MED17: variants seen among roughly 807,000 people sequenced by gnomAD.
The protein encoded by MED17 is mediator complex subunit 17.
In MED17, 49 loss-of-function variants were observed where a neutral mutation model predicts 80.8. The observed-to-expected ratio is 0.61, with a 90% CI of 0.48 to 0.77. The LOEUF (loss-of-function observed/expected upper bound fraction) is 0.77, where lower values mean the gene tolerates loss of function less well. MED17 is among the 30% of genes least tolerant of loss of function. The probability of loss-of-function intolerance (pLI) is 0.00; values close to 1 mark genes in which losing one functional copy is unlikely to be tolerated. For synonymous variants in MED17, 281 were observed against 280.4 expected (o/e 1.00, Z -0.02); for missense variants, 718 against 787.0 (o/e 0.91, Z 1.05).
chr11:93,784,643 G>C lies in MED17; in HGVS notation c.130G>C (p.Ala44Pro). ...LSMSQNLARL[A>P]QRIDFSQGSG... is the part of the protein sequence containing the mutation. ...CATGTCGCAGAATCTGGCGCGTCTGGCCCAGCGGATAGACTTCAGCCAGGG... is the reference window on the plus strand; with the variant it reads ...CATGTCGCAGAATCTGGCGCGTCTGCCCCAGCGGATAGACTTCAGCCAGGG... The change falls in exon 1 of 12, where the codon GCC becomes CCC. Residue 44 changes from alanine to proline, a missense_variant. Transcript: ENST00000251871. 6.3e-7 allele frequency: 1 copy of C among 1,576,422 alleles called. No individual in the cohort carries two copies. The highest frequency in any genetic ancestry group is 8.6e-7 in the Non-Finnish European group (1 of 1,161,986).
intron 8 of MED17, among the ~76,000 whole-genome samples, chr11:93,799,495 A>AT (rs1418950038): frequency 1.3e-5 from 2 of 152,160 alleles, no homozygotes; most frequent in Non-Finnish European, 2.9e-5. Flanking sequence ...TTTTAAAAAA[A>AT]GTAGCTGGGC....
At chr11:93,796,174 A>G (rs1449245279) in intron 6 of MED17, 8 of 459,424 alleles carry the variant, frequency 1.7e-5, no homozygotes, top group Non-Finnish European at 2.8e-5. Context: ...GATGGTCTCA[A>G]TCCCCTGACC....
At chr11:93,811,013 A>T (rs1944081020) in intron 11 of MED17, 2 of 152,330 alleles carry the variant, frequency 1.3e-5, no homozygotes, top group African/African-American at 4.8e-5. Flanking sequence ...CCTGTACAGC[A>T]TGTTACTGTA....
In MED17 at chr11:93,809,805, G is replaced by C; in HGVS notation, c.1673G>C (p.Gly558Ala). 6.2e-7 allele frequency: 1 copy of C among 1,614,142 alleles called. No individual in the cohort carries two copies. Among genetic ancestry groups the C allele is most frequent in the Non-Finnish European group, 8.5e-7 (1 of 1,180,030 alleles). Residue 558 changes from glycine to alanine, a missense_variant, in exon 11 of 12, where the codon GGA becomes GCA. Gly to Ala is a moderately conservative substitution (Grantham distance 60). Coordinates refer to ENST00000251871, the MANE Select transcript of MED17 (RefSeq NM_004268.5). Reference sequence around the variant, plus strand: ...AGCTTCAGTAATCATGTGGGACTTGGACCTATAGAGAGCATTGGTAATGCA... The same window carrying C: ...AGCTTCAGTAATCATGTGGGACTTGCACCTATAGAGAGCATTGGTAATGCA... ...VLSFSNHVGLGPIESIGNASA... is the reference protein window; with the variant it reads ...VLSFSNHVGLAPIESIGNASA...
At position 93,784,619 on chromosome 11, in the gene MED17, A is replaced by T. The variant is rs562459610; in HGVS notation, c.106A>T (p.Met36Leu). The T allele has an allele frequency of 1.9e-6, 3 of 1,595,344 alleles. No individual in the cohort carries two copies. The Admixed American group carries it at 5.4e-5, about 29-fold the overall frequency. ...CGAGACGTACCTGCCCCCGCTGTCC[A>T]TGTCGCAGAATCTGGCGCGTCTGGC... is the stretch of plus-strand genomic sequence containing the variant. ...GTETYLPPLS[M>L]SQNLARLAQR... The change falls in exon 1 of 12, where the codon ATG (methionine) becomes TTG (leucine). Residue 36 changes from methionine to leucine, a missense_variant. Physicochemically the swap from Met to Leu is conservative, Grantham distance 15. Coordinates refer to ENST00000251871, the MANE Select transcript of MED17 (RefSeq NM_004268.5).
At chr11:93,801,693 C>T (rs1943963214) in intron 8 of MED17, 142 bp from the exon 9 acceptor site, 3 of 755,824 alleles carry the variant, frequency 4.0e-6, no homozygotes, top group Non-Finnish European at 6.7e-6. Context: ...CTACCTCTGC[C>T]TTTATTTAAA....
intron 1 of MED17, among the ~76,000 whole-genome samples, chr11:93,786,613 G>A (rs549641893): frequency 2.0e-5 from 3 of 151,926 alleles, no homozygotes; most frequent in Non-Finnish European, 4.4e-5. Flanking sequence ...GACTGTAGGC[G>A]TGCGGCACCA....
At chr11:93,791,917 G>A (rs1943840476) in intron 3 of MED17, among the ~76,000 whole-genome samples, 1 of 152,104 alleles carries the variant, frequency 6.6e-6, no homozygotes, top group Non-Finnish European at 1.5e-5. Flanking sequence ...ACCAAACTAG[G>A]GCTACAGCAC....
rs533818294 is a variant in MED17, at chr11:93,796,359, C to T, written c.1013-51C>T. Reference sequence around the variant, plus strand: ...TATACTTTATGAAGACAGTTTATGCCTTTCCATATTTCAGGTTATTTACAT... The same window carrying T: ...TATACTTTATGAAGACAGTTTATGCTTTTCCATATTTCAGGTTATTTACAT... On this transcript the variant is annotated intron_variant, in intron 6 of 11. Transcript: ENST00000251871. 17 of 1,503,468 alleles carry T rather than the reference C, an allele frequency of 1.1e-5. No homozygotes were observed. The East Asian group carries it at 3.2e-4, about 28-fold the overall frequency. 93.1% of individuals were successfully genotyped at this position (1,503,468 alleles called of 1,614,324 possible).
intron 8 of MED17, chr11:93,801,262 G>T (rs1943958822): frequency 6.5e-6 from 1 of 152,768 alleles, no homozygotes; most frequent in Non-Finnish European, 1.5e-5. Flanking sequence ...ATTCATGAAA[G>T]CTCTTGTTAT....
In MED17 at chr11:93,788,044, G is replaced by A. The variant is rs1397270182; in HGVS notation, c.294G>A (p.Val98=). Residue 98 remains valine, a synonymous_variant, in exon 2 of 12, where the codon GTG becomes GTA. Transcript: ENST00000251871. ...CTTCCCTTTGGCCTTGGGACTCAGTGAGGAACAATTTGAGAAGTGCCCTGA... is the reference window on the plus strand; with the variant it reads ...CTTCCCTTTGGCCTTGGGACTCAGTAAGGAACAATTTGAGAAGTGCCCTGA... The part of the protein sequence containing the change: ...FQPSLWPWDS[V]RNNLRSALTE... 2 of 1,613,830 alleles carry A rather than the reference G, an allele frequency of 1.2e-6. No individual in the cohort carries two copies. The highest frequency in any genetic ancestry group is 8.5e-7 in the Non-Finnish European group (1 of 1,179,964).
rs11020519 is a variant in MED17, at chr11:93,795,247, T to C, written c.1012+187T>C. 4.2e-5 allele frequency: 29 copies of C among 692,962 alleles called. No individual in the cohort carries two copies. In the East Asian group the frequency reaches 7.4e-4, roughly 18 times the overall value. 42.9% of individuals were successfully genotyped at this position (692,962 alleles called of 1,614,324 possible). On this transcript the variant is annotated intron_variant, in intron 6 of 11. Coordinates refer to ENST00000251871, the MANE Select transcript of MED17 (RefSeq NM_004268.5). ...GTGGAATCTGTTCTGTCCTAAATAG[T>C]GTGACCCTTGGATTTTTAAGCTACA...
intron 5 of MED17, 106 bp from the exon 6 acceptor site, chr11:93,794,802 A>G (rs569286427): frequency 2.5e-6 from 3 of 1,204,420 alleles, no homozygotes; most frequent in Admixed American, 3.6e-5. Context: ...ATATACCGTA[A>G]TGTAGTGTTT....
At chr11:93,802,109 GT>G (rs142446531) in intron 9 of MED17, 137 bp downstream of exon 9, 7,756 of 589,646 alleles carry the variant, frequency 0.013, no homozygotes, top group Middle Eastern at 0.02. Context: ...GCTGTAGAGT[GT>G]TTTTTTTTTT....
intron 9 of MED17, among the ~76,000 whole-genome samples, chr11:93,804,019 A>ATT (rs1258596925): frequency 1.0e-4 from 1 of 9,724 alleles, no homozygotes; most frequent in East Asian, 5.5e-3. Context: ...ATATATATAT[A>ATT]TATATATACA....
chr11:93,786,381 G>A (rs1943770081), intron 1 of MED17, among the ~76,000 whole-genome samples: 1 of 152,140 alleles, frequency 6.6e-6, no homozygotes, highest in Admixed American at 6.5e-5. Context: ...TAATATTCAG[G>A]GTTAGGAATG....
intron 6 of MED17, chr11:93,795,726 G>A (rs1004353575): frequency 2.0e-5 from 3 of 153,518 alleles, no homozygotes; most frequent in Non-Finnish European, 2.9e-5. Flanking sequence ...GAAGGAAGTA[G>A]GTTTTAGTGG....
rs1944106221 is a variant in MED17, at chr11:93,813,547, T to A, written c.*1483T>A. On this transcript the variant is annotated 3_prime_UTR_variant, in exon 12 of 12. Transcript: ENST00000251871. ...TTTATGTGATTTTGAAGGCTCAGGC[T>A]AGAAGAGTGAGTCTGAGACTTTTGC... The A allele has an allele frequency of 6.6e-6, 1 of 152,228 alleles. No homozygotes were observed. 9.4% of individuals were successfully genotyped at this position (152,228 alleles called of 1,614,324 possible). A position where few individuals can be genotyped will look rare whatever the true frequency, so the allele number is the denominator to read the frequency against.
Position 93,787,908 on chromosome 11 carries a change from C to T in MED17, c.251-93C>T, listed in dbSNP as rs1345329672. 3.9e-6 allele frequency: 4 copies of T among 1,026,836 alleles called. No individual in the cohort carries two copies. In the Admixed American group the frequency reaches 5.2e-5, roughly 13 times the overall value. 63.6% of individuals were successfully genotyped at this position (1,026,836 alleles called of 1,614,324 possible). The stretch of plus-strand genomic sequence containing the variant: ...CAATTTGAAATTTAATTAATTATTT[C>T]TCCTTTTAGTACTTTTTAAACCTAA... On this transcript the variant is annotated intron_variant, in intron 1 of 11. Coordinates refer to ENST00000251871, the MANE Select transcript of MED17 (RefSeq NM_004268.5).
Sources: gnomAD v4.1 joint callset for allele counts (sites outside exome capture counted in the v4.1 genomes callset) on GRCh38, gnomAD v4.1.1 for gene constraint, MANE v1.5 for transcripts, NCBI Gene and HGNC (gene_info 2026-07-23, HGNC 2026-07-21) for gene names.